ANO4: variants seen among roughly 807,000 people sequenced by gnomAD.
ANO4 encodes anoctamin 4.
Under a neutral mutation model 141.9 loss-of-function variants are expected in ANO4, and 69 were observed. The observed-to-expected ratio is 0.49, with a 90% confidence interval of 0.40 to 0.59. ANO4 has a LOEUF of 0.59. Among genes scored for constraint, ANO4 ranks in the 20% least tolerant of loss-of-function variants. The pLI, the probability that ANO4 is intolerant of heterozygous loss-of-function variation, is 0.00. For missense variants in ANO4, 894 were observed against 1,162.2 expected (o/e 0.77, Z 3.36); for synonymous variants, 350 against 394.3 (o/e 0.89, Z 1.33).
intron 1 of ANO4, among the ~76,000 whole-genome samples, chr12:100,891,109 T>C (rs1330965382): frequency 1.3e-5 from 2 of 152,200 alleles, no homozygotes; most frequent in African/African-American, 2.4e-5. Context: ...GGTAAGTAAA[T>C]GGACAGTTAA....
At chr12:100,970,013 G>A (rs2043847487) in intron 5 of ANO4, among the ~76,000 whole-genome samples, 1 of 152,144 alleles carries the variant, frequency 6.6e-6, no homozygotes, top group Admixed American at 6.5e-5. Flanking sequence ...GATGGTTACT[G>A]GGGTGTGAAG....
At chr12:100,888,878 TTTATTA>T (rs375829250) in intron 1 of ANO4, among the ~76,000 whole-genome samples, 5 of 150,938 alleles carry the variant, frequency 3.3e-5, no homozygotes, top group Non-Finnish European at 5.9e-5. Context: ...GTCTCTTATT[TTTATTA>T]TTATTATTAT....
intron 1 of ANO4, among the ~76,000 whole-genome samples, chr12:100,880,227 C>G (rs912145553): frequency 1.3e-5 from 2 of 152,132 alleles, no homozygotes; most frequent in African/African-American, 4.8e-5. Context: ...GAAATACTGA[C>G]TGGTATCTGA....
intron 14 of ANO4, among the ~76,000 whole-genome samples, chr12:101,049,079 C>T (rs1261889803): frequency 2.0e-5 from 3 of 152,094 alleles, no homozygotes; most frequent in Admixed American, 6.6e-5. Flanking sequence ...TCATGGAAAG[C>T]AGTTAATGGC....
chr12:101,098,444 C>G (rs577645634), intron 21 of ANO4, among the ~76,000 whole-genome samples: 1 of 152,300 alleles, frequency 6.6e-6, no homozygotes, highest in Non-Finnish European at 1.5e-5. Flanking sequence ...AACAATGCTT[C>G]TATTCTGCTT....
chr12:101,021,378 A>G (rs890039630), intron 9 of ANO4, among the ~76,000 whole-genome samples: 3 of 152,278 alleles, frequency 2.0e-5, no homozygotes, highest in East Asian at 3.9e-4. Context: ...CTGAGATATC[A>G]TACTGGTATC....
intron 1 of ANO4, among the ~76,000 whole-genome samples, chr12:100,874,010 C>T (rs972133758): frequency 6.6e-6 from 1 of 152,222 alleles, no homozygotes; most frequent in Non-Finnish European, 1.5e-5. Flanking sequence ...ACATCTTAGG[C>T]CACTGCTACG....
intron 14 of ANO4, among the ~76,000 whole-genome samples, chr12:101,054,620 C>G (rs1179832439): frequency 6.6e-6 from 1 of 152,202 alleles, no homozygotes; most frequent in Non-Finnish European, 1.5e-5. Context: ...CTGCGTCAGC[C>G]TCTCGAGTAG....
At chr12:100,860,576 G>A (rs1197628773) in intron 1 of ANO4, among the ~76,000 whole-genome samples, 2 of 152,104 alleles carry the variant, frequency 1.3e-5, no homozygotes, top group African/African-American at 4.8e-5. Context: ...TCTCTAAATG[G>A]AGCTTACTTT....
chr12:101,045,717 G>A (rs7131913), intron 13 of ANO4, among the ~76,000 whole-genome samples: 55,638 of 152,002 alleles, frequency 0.37, 11,015 homozygotes, highest in African/African-American at 0.51. Context: ...GGTGGCTCAC[G>A]CTGTGGGATC....
chr12:101,089,752 C>T (rs1440826387), intron 17 of ANO4, among the ~76,000 whole-genome samples: 1 of 152,188 alleles, frequency 6.6e-6, no homozygotes, highest in African/African-American at 2.4e-5. Flanking sequence ...CAAATGGGAT[C>T]TAATTAAACT....
Position 100,967,138 on chromosome 12 carries a change from G to A in ANO4, c.457-4168G>A, listed in dbSNP as rs542515461. On this transcript the variant is annotated intron_variant, in intron 5 of 27. Coordinates refer to ENST00000392977, the MANE Select transcript of ANO4 (RefSeq NM_001286615.2). ...CTCCAGGTAATTTCCCATGATACTCGTTAATTTTCTCAGTCATTTTTCTAA... is the reference window on the plus strand; with the variant it reads ...CTCCAGGTAATTTCCCATGATACTCATTAATTTTCTCAGTCATTTTTCTAA... Among the ~76,000 whole-genome samples, 10 of 152,048 alleles carry A rather than the reference G, an allele frequency of 6.6e-5. No individual in the cohort carries two copies. In the South Asian group the frequency reaches 1.5e-3, roughly 22 times the overall value.
intron 1 of ANO4, among the ~76,000 whole-genome samples, chr12:100,717,946 A>G (rs950452607): frequency 1.3e-5 from 2 of 152,038 alleles, no homozygotes; most frequent in African/African-American, 4.8e-5. Context: ...AGTTATTTAA[A>G]CTTTTCAGCC....
At chr12:101,095,264 C>T (rs1179506237) in intron 18 of ANO4, among the ~76,000 whole-genome samples, 1 of 148,782 alleles carries the variant, frequency 6.7e-6, no homozygotes, top group African/African-American at 2.6e-5. Context: ...TGAAATCTTC[C>T]ATCACCACCA....
At chr12:100,975,711 G>C (rs1437368750) in intron 7 of ANO4, among the ~76,000 whole-genome samples, 2 of 151,884 alleles carry the variant, frequency 1.3e-5, no homozygotes, top group African/African-American at 4.8e-5. Context: ...AAAGTGCTGA[G>C]ATTACAGGGT....
intron 5 of ANO4, among the ~76,000 whole-genome samples, chr12:100,948,016 T>G (rs2042799503): frequency 6.6e-6 from 1 of 151,850 alleles, no homozygotes; most frequent in African/African-American, 2.4e-5. Flanking sequence ...ACCCTGTCTT[T>G]ACTAAAAATA....
chr12:100,898,336 T>C (rs2040438340), intron 1 of ANO4, among the ~76,000 whole-genome samples: 1 of 152,208 alleles, frequency 6.6e-6, no homozygotes, highest in Non-Finnish European at 1.5e-5. Context: ...TTTTCTATCT[T>C]GCATACTAGC....
chr12:101,026,526 T>C (rs1340774324), intron 9 of ANO4, among the ~76,000 whole-genome samples: 2 of 151,940 alleles, frequency 1.3e-5, no homozygotes, highest in Non-Finnish European at 2.9e-5. Context: ...TATGTGAAAA[T>C]TGACAAATGA....
chr12:100,731,401 T>C (rs185765278), intron 1 of ANO4, among the ~76,000 whole-genome samples: 1 of 152,308 alleles, frequency 6.6e-6, no homozygotes, highest in Admixed American at 6.5e-5. Context: ...TAAAAGGAAG[T>C]TACAGAAGAG....
Sources: allele counts gnomAD v4.1 joint callset (sites outside exome capture counted in the v4.1 genomes callset), GRCh38; gene constraint gnomAD v4.1.1; transcripts MANE v1.5; gene names NCBI Gene and HGNC (gene_info 2026-07-23, HGNC 2026-07-21).